Variants in ADGRL3 observed in about 807,000 individuals in gnomAD.
ADGRL3 encodes adhesion G protein-coupled receptor L3, also known as calcium-independent alpha-latrotoxin receptor 3.
A neutral mutation model predicts 153.5 loss-of-function variants in ADGRL3; 62 were observed. The observed-to-expected ratio is 0.40, with a 90% CI of 0.33 to 0.50. ADGRL3 has a LOEUF of 0.50. ADGRL3 is among the 20% of genes least tolerant of loss of function. The probability of loss-of-function intolerance (pLI) is 0.47; values close to 1 mark genes in which losing one functional copy is unlikely to be tolerated. For missense variants in ADGRL3, 1,641 were observed against 1,859.4 expected (o/e 0.88, Z 2.16); for synonymous variants, 710 against 672.5 (o/e 1.06, Z -0.86).
chr4:61,824,047 G>T (rs755894395), intron 9 of ADGRL3, among the ~76,000 whole-genome samples: 1 of 138,410 alleles, frequency 7.2e-6, no homozygotes, highest in Non-Finnish European at 1.5e-5. Context: ...GGGCGACAGA[G>T]CGAGAATCCG....
chr4:61,551,809 G>C (rs1291299261), intron 4 of ADGRL3, among the ~76,000 whole-genome samples: 2 of 152,124 alleles, frequency 1.3e-5, no homozygotes, highest in African/African-American at 4.8e-5. Flanking sequence ...ACATACATTG[G>C]TAGTTGCAGA....
intron 1 of ADGRL3, among the ~76,000 whole-genome samples, chr4:61,213,458 AT>A (rs139696851): frequency 2.0e-5 from 3 of 151,698 alleles, no homozygotes; most frequent in Admixed American, 6.6e-5. Flanking sequence ...TCATATTTAA[AT>A]TTTTTTTCTG....
intron 1 of ADGRL3, among the ~76,000 whole-genome samples, chr4:61,208,457 C>G (rs549541548): frequency 3.4e-4 from 51 of 152,056 alleles, no homozygotes; most frequent in Non-Finnish European, 6.0e-4. Flanking sequence ...CTATCATCAT[C>G]ATTATTATTG....
chr4:61,804,895 C>T (rs1326281780), intron 8 of ADGRL3, among the ~76,000 whole-genome samples: 1 of 151,842 alleles, frequency 6.6e-6, no homozygotes, highest in Non-Finnish European at 1.5e-5. Context: ...TCGTTGCAAT[C>T]CACCTATGAA....
intron 2 of ADGRL3, among the ~76,000 whole-genome samples, chr4:61,392,684 C>CAAAAAAAAAAAAAAAAA (rs397993633): frequency 0.013 from 169 of 13,360 alleles, 32 homozygotes; most frequent in Non-Finnish European, 0.018. Flanking sequence ...GACTCCATCT[C>CAAAAAAAAAAAAAAAAA]AAAAAAAAAA....
chr4:61,856,272 T>G (rs1385672762), intron 9 of ADGRL3, among the ~76,000 whole-genome samples: 1 of 151,978 alleles, frequency 6.6e-6, no homozygotes, highest in African/African-American at 2.4e-5. Context: ...TCTTTATTTC[T>G]TTCTTTCCTT....
intron 21 of ADGRL3, among the ~76,000 whole-genome samples, chr4:61,999,765 G>T (rs1038453276): frequency 6.6e-6 from 1 of 152,224 alleles, no homozygotes; most frequent in South Asian, 2.1e-4. Flanking sequence ...AAGGTGTATT[G>T]ACATTAAGTA....
intron 2 of ADGRL3, among the ~76,000 whole-genome samples, chr4:61,429,036 T>C (rs894361278): frequency 9.9e-5 from 15 of 152,090 alleles, no homozygotes; most frequent in African/African-American, 3.6e-4. Context: ...AATATAGATA[T>C]TGGTAGGAAG....
At chr4:61,834,470 C>T (rs1408337206) in intron 9 of ADGRL3, among the ~76,000 whole-genome samples, 3 of 152,148 alleles carry the variant, frequency 2.0e-5, no homozygotes, top group African/African-American at 7.2e-5. Flanking sequence ...TTTGGGTATA[C>T]ACCCAGTAAC....
chr4:61,990,535 CTG>C (rs960352537), intron 19 of ADGRL3, among the ~76,000 whole-genome samples: 4 of 151,768 alleles, frequency 2.6e-5, no homozygotes, highest in African/African-American at 7.3e-5. Context: ...GAGTTATACT[CTG>C]TTAAATAAAT....
At chr4:61,590,151 C>T (rs1301199475) in intron 5 of ADGRL3, among the ~76,000 whole-genome samples, 1 of 152,078 alleles carries the variant, frequency 6.6e-6, no homozygotes, top group African/African-American at 2.4e-5. Context: ...TCTCTTTAAT[C>T]TCATCTAAAC....
At chr4:61,763,126 A>AT (rs199923839) in intron 8 of ADGRL3, among the ~76,000 whole-genome samples, 11 of 149,698 alleles carry the variant, frequency 7.3e-5, no homozygotes, top group South Asian at 2.1e-4. Flanking sequence ...TTGCATAAAG[A>AT]TTTTTTTTCT....
chr4:61,266,916 T>G (rs975643616), intron 1 of ADGRL3, among the ~76,000 whole-genome samples: 5 of 151,732 alleles, frequency 3.3e-5, no homozygotes, highest in African/African-American at 1.2e-4. Flanking sequence ...AATGGAAATA[T>G]GCTGGACTAT....
At chr4:61,451,749 A>T (rs2643035) in intron 2 of ADGRL3, among the ~76,000 whole-genome samples, 142,024 of 152,222 alleles carry the variant, frequency 0.93, 67,078 homozygotes, top group East Asian at 1. Context: ...TGTTTATACA[A>T]CTGGGGTACT....
At chr4:61,452,910 T>C (rs1393491714) in intron 2 of ADGRL3, among the ~76,000 whole-genome samples, 3 of 152,164 alleles carry the variant, frequency 2.0e-5, no homozygotes, top group African/African-American at 7.2e-5. Flanking sequence ...AAAAATATTG[T>C]ATAGACTAGT....
chr4:61,964,909 A>C (rs1001552665), intron 17 of ADGRL3, among the ~76,000 whole-genome samples: 1 of 152,108 alleles, frequency 6.6e-6, no homozygotes, highest in Non-Finnish European at 1.5e-5. Flanking sequence ...GGTAAGAACT[A>C]GTTGAGGTGT....
At chr4:61,458,285 C>T (rs2097774913) in intron 2 of ADGRL3, among the ~76,000 whole-genome samples, 1 of 150,838 alleles carries the variant, frequency 6.6e-6, no homozygotes, top group Admixed American at 6.6e-5. Context: ...TTTATTTCAC[C>T]TATAATTTAT....
chr4:61,514,855 G>C (rs1410102109), intron 3 of ADGRL3, among the ~76,000 whole-genome samples: 1 of 151,856 alleles, frequency 6.6e-6, no homozygotes, highest in Non-Finnish European at 1.5e-5. Context: ...TTTATGTTTT[G>C]TTTATTTTTC....
chr4:61,517,514 G>T lies in ADGRL3; in HGVS notation c.255G>T (p.Ala85=), dbSNP rs780385542. The stretch of plus-strand genomic sequence containing the variant: ...GTGCCCAAGGAGCACAGATTGCAGC[G>T]CAAGGTGCGGCCAGCGGTGGGGAGA... ...GPGAQGAQIA[A]QAFSRAPIPM... is the part of the protein sequence containing the mutation. Residue 85 remains alanine (A), a synonymous_variant, in exon 4 of 27, where the codon GCG becomes GCT. Coordinates refer to ENST00000683033, the MANE Select transcript of ADGRL3 (RefSeq NM_001387552.1). 1 of 706,444 alleles carries T rather than the reference G, an allele frequency of 1.4e-6. No homozygotes were observed. Among genetic ancestry groups the T allele is most frequent in the Non-Finnish European group, 2.6e-6 (1 of 389,276 alleles). 43.8% of individuals were successfully genotyped at this position (706,444 alleles called of 1,614,324 possible).
Sources: gnomAD v4.1 joint callset for allele counts (sites outside exome capture counted in the v4.1 genomes callset) on GRCh38, gnomAD v4.1.1 for gene constraint, MANE v1.5 for transcripts, NCBI Gene and HGNC (gene_info 2026-07-23, HGNC 2026-07-21) for gene names.